UGCG: variants seen among roughly 807,000 people sequenced by gnomAD.
UGCG encodes the protein UDP-glucose ceramide glucosyltransferase.
Under a neutral mutation model 49.5 loss-of-function variants are expected in UGCG, and 10 were observed. That is an observed-to-expected ratio of 0.20 (90% confidence interval 0.12 to 0.34). UGCG has a LOEUF of 0.34. UGCG is among the 10% of genes least tolerant of loss of function. UGCG has a pLI of 1.00. For synonymous variants in UGCG, 182 were observed against 158.2 expected, an observed-to-expected ratio of 1.15 and a Z score of -1.13; for missense variants, 312 against 483.7, an observed-to-expected ratio of 0.65 and a Z score of 3.33.
At chr9:111,901,062 C>A (rs918213628) in intron 1 of UGCG, among the ~76,000 whole-genome samples, 1 of 152,144 alleles carries the variant, frequency 6.6e-6, no homozygotes, top group Non-Finnish European at 1.5e-5. Context: ...GTGATCCCCC[C>A]ACCTTGGCCT....
chr9:111,897,354 G>C, intron 1 of UGCG, 41 bp downstream of exon 1: 2 of 1,497,166 alleles, frequency 1.3e-6, no homozygotes, highest in Non-Finnish European at 1.8e-6. Flanking sequence ...GCAGGGGTCC[G>C]GGCCTCGGAG....
At chr9:111,930,261 G>A (rs1838400851) in intron 6 of UGCG, among the ~76,000 whole-genome samples, 1 of 152,058 alleles carries the variant, frequency 6.6e-6, no homozygotes, top group Non-Finnish European at 1.5e-5. Flanking sequence ...TCTGTGTTTA[G>A]AATTTTTACT....
Position 111,897,163 on chromosome 9 carries a change from C to A in UGCG, c.-53C>A, listed in dbSNP as rs1339832213. 5 of 1,486,232 alleles carry A rather than the reference C, an allele frequency of 3.4e-6. No homozygotes were observed. The South Asian group carries it at 4.9e-5, about 14-fold the overall frequency. The allele number at this position is 1,486,232 out of a possible 1,614,324, so 92.1% of individuals were successfully genotyped here. A position where few individuals can be genotyped will look rare whatever the true frequency, so the allele number is the denominator to read the frequency against. Reference sequence around the variant, plus strand: ...CCACCCTGTCCTCCTCCTGCGGGAGCGTTGTCCGTGTTGGCGGCCGCAGCG... The same window carrying A: ...CCACCCTGTCCTCCTCCTGCGGGAGAGTTGTCCGTGTTGGCGGCCGCAGCG... On this transcript the variant is annotated 5_prime_UTR_variant, in exon 1 of 9. Coordinates refer to ENST00000374279, the MANE Select transcript of UGCG (RefSeq NM_003358.3).
intron 2 of UGCG, among the ~76,000 whole-genome samples, chr9:111,918,776 T>A (rs1838156716): frequency 1.3e-5 from 2 of 151,530 alleles, no homozygotes; most frequent in African/African-American, 4.8e-5. Context: ...AAAAAAAAAA[T>A]TAGCTGGGCG....
At chr9:111,925,287 C>T (rs1043806284) in intron 4 of UGCG, among the ~76,000 whole-genome samples, 5 of 152,310 alleles carry the variant, frequency 3.3e-5, no homozygotes, top group South Asian at 2.1e-4. Flanking sequence ...ATACACTTAT[C>T]GGACTATACA....
At chr9:111,925,139 T>G (rs1252217928) in intron 4 of UGCG, among the ~76,000 whole-genome samples, 2 of 152,312 alleles carry the variant, frequency 1.3e-5, no homozygotes, top group Middle Eastern at 3.4e-3. Flanking sequence ...TGTGGTTCAT[T>G]ATATAATCTG....
chr9:111,916,969 A>AC (rs1014548017), intron 2 of UGCG, among the ~76,000 whole-genome samples: 1 of 151,420 alleles, frequency 6.6e-6, no homozygotes, highest in African/African-American at 2.4e-5. Context: ...ACACAGTGAG[A>AC]CCCCCACCTT....
chr9:111,912,979 C>G (rs1202808131), intron 1 of UGCG, among the ~76,000 whole-genome samples: 2 of 152,010 alleles, frequency 1.3e-5, no homozygotes, highest in Non-Finnish European at 2.9e-5. Flanking sequence ...ACACACCTGC[C>G]TTAGTTAGAG....
In UGCG at chr9:111,914,087, A is replaced by G. The variant is rs572952220; in HGVS notation, c.99-518A>G. ...ATCCTTTCATAATTTTCTGCTGCAG[A>G]CGGTGTTTTATTTTACCTGTTTTTA... On this transcript the variant is annotated intron_variant, in intron 1 of 8. Coordinates refer to ENST00000374279, the MANE Select transcript of UGCG (RefSeq NM_003358.3). Among the ~76,000 whole-genome samples the G allele has an allele frequency of 7.2e-5, 11 of 152,260 alleles. No individual in the cohort carries two copies. The South Asian group carries it at 1.5e-3, about 20-fold the overall frequency.
chr9:111,912,682 A>C (rs1838034889), intron 1 of UGCG, among the ~76,000 whole-genome samples: 1 of 152,214 alleles, frequency 6.6e-6, no homozygotes, highest in South Asian at 2.1e-4. Flanking sequence ...TGGCAATGTT[A>C]AATTGCTATA....
rs1564200082 is a variant in UGCG at position 111,912,031 on chromosome 9, T to TAC, written c.99-2573_99-2572insCA. Among the ~76,000 whole-genome samples the TAC allele has an allele frequency of 4.5e-3, 600 of 132,976 alleles. 37 individuals carry two copies. The highest frequency in any genetic ancestry group is 0.043 in the East Asian group (193 of 4,538). The allele number at this position is 132,976 out of a possible 152,430, so 87.2% of individuals were successfully genotyped here. A position where few individuals can be genotyped will look rare whatever the true frequency, so the allele number is the denominator to read the frequency against. The stretch of plus-strand genomic sequence containing the variant: ...GGATACATATATATATTCAACAGGA[T>TAC]ATATATATATATATATATATATCCT... On this transcript the variant is annotated intron_variant, in intron 1 of 8. Transcript: ENST00000374279.
At chr9:111,912,029 GATATATATATATAT>G (rs60468274) in intron 1 of UGCG, among the ~76,000 whole-genome samples, 1 of 64,596 alleles carries the variant, frequency 1.5e-5, no homozygotes, top group African/African-American at 8.1e-5. Flanking sequence ...TATTCAACAG[GATATATATATATAT>G]ATATATATAT....
chr9:111,900,146 G>A (rs1260547995), intron 1 of UGCG, among the ~76,000 whole-genome samples: 3 of 147,254 alleles, frequency 2.0e-5, no homozygotes, highest in African/African-American at 7.6e-5. Flanking sequence ...TTAATGGTAA[G>A]TGCTAGTGTG....
chr9:111,931,885 G>A (rs956568067), intron 7 of UGCG, among the ~76,000 whole-genome samples: 6 of 151,982 alleles, frequency 3.9e-5, no homozygotes, highest in Admixed American at 6.6e-5. Flanking sequence ...AAATTAGCCA[G>A]GTGTGGTGGC....
chr9:111,916,491 A>T (rs1838112998), intron 2 of UGCG, among the ~76,000 whole-genome samples: 1 of 152,072 alleles, frequency 6.6e-6, no homozygotes, highest in Admixed American at 6.5e-5. Flanking sequence ...TGTTTTTAAG[A>T]CAGTATCTTG....
At chr9:111,913,813 G>A (rs1341427546) in intron 1 of UGCG, among the ~76,000 whole-genome samples, 3 of 151,974 alleles carry the variant, frequency 2.0e-5, no homozygotes, top group Non-Finnish European at 4.4e-5. Context: ...TGAGAACGTT[G>A]GCCATTTGGT....
chr9:111,909,827 C>T (rs1837963224), intron 1 of UGCG, among the ~76,000 whole-genome samples: 1 of 152,166 alleles, frequency 6.6e-6, no homozygotes, highest in South Asian at 2.1e-4. Flanking sequence ...AAACAGTATT[C>T]TGCAAGGTAG....
intron 6 of UGCG, 139 bp from the exon 7 acceptor site, chr9:111,931,132 C>CT (rs1336047346): frequency 1.4e-6 from 1 of 728,590 alleles, no homozygotes; most frequent in Non-Finnish European, 2.2e-6. Context: ...GACCTTAAGT[C>CT]ATGTGCTAAT....
chr9:111,908,754 G>T (rs1837939356), intron 1 of UGCG, among the ~76,000 whole-genome samples: 1 of 152,180 alleles, frequency 6.6e-6, no homozygotes, highest in South Asian at 2.1e-4. Flanking sequence ...GGAATCATAG[G>T]CTCAAGTTCA....
Sources: allele counts gnomAD v4.1 joint callset (sites outside exome capture counted in the v4.1 genomes callset), GRCh38; gene constraint gnomAD v4.1.1; transcripts MANE v1.5; gene names NCBI Gene and HGNC (gene_info 2026-07-23, HGNC 2026-07-21).